MATN3: variants seen among roughly 807,000 people sequenced by gnomAD.
The protein encoded by MATN3 is matrilin 3, also known as matrilin-3.
Under a neutral mutation model 45.3 loss-of-function variants are expected in MATN3, and 48 were observed. The ratio of observed to expected loss-of-function variants is 1.06; its 90% CI spans 0.84 to 1.35. The LOEUF (loss-of-function observed/expected upper bound fraction) is 1.35. Ranked by LOEUF, MATN3 falls within the 40% of genes most tolerant of loss-of-function variation. The pLI, the probability that MATN3 is intolerant of heterozygous loss-of-function variation, is 0.00. For missense variants in MATN3, 599 were observed against 628.0 expected, an observed-to-expected ratio of 0.95 and a Z score of 0.49; for synonymous variants, 217 against 245.9, an observed-to-expected ratio of 0.88 and a Z score of 1.10.
intron 7 of MATN3, 132 bp from the exon 8 acceptor site, chr2:19,993,298 A>G (rs1056530504): frequency 2.7e-6 from 2 of 754,122 alleles, no homozygotes; most frequent in African/African-American, 3.6e-5. Context: ...CTGTTTTCTC[A>G]CCAAAAGTTG....
intron 3 of MATN3, among the ~76,000 whole-genome samples, chr2:20,002,559 C>T (rs1673006599): frequency 1.3e-5 from 2 of 152,064 alleles, no homozygotes. Context: ...TTTTCAAATC[C>T]TCAAAAGGGC....
chr2:20,003,786 TG>T (rs1226031362), intron 2 of MATN3, among the ~76,000 whole-genome samples: 1 of 152,198 alleles, frequency 6.6e-6, no homozygotes, highest in Non-Finnish European at 1.5e-5. Flanking sequence ...AACTCACAGG[TG>T]GGCAGTGGTA....
chr2:19,998,999 A>G (rs1158274850), intron 5 of MATN3, among the ~76,000 whole-genome samples: 1 of 152,274 alleles, frequency 6.6e-6, no homozygotes, highest in South Asian at 2.1e-4. Context: ...GTGAGTATTA[A>G]GGTACATTAC....
At chr2:20,009,394 C>T (rs1673173772) in intron 1 of MATN3, among the ~76,000 whole-genome samples, 1 of 152,002 alleles carries the variant, frequency 6.6e-6, no homozygotes, top group Non-Finnish European at 1.5e-5. Flanking sequence ...AAACCAGACA[C>T]CACATGTTCT....
chr2:20,001,537 T>C (rs1192848294), intron 4 of MATN3, among the ~76,000 whole-genome samples: 1 of 152,242 alleles, frequency 6.6e-6, no homozygotes, highest in Admixed American at 6.5e-5. Flanking sequence ...GAGCACAGCA[T>C]GTCAGGTCAT....
Position 20,005,811 on chromosome 2 carries a change from A to T in MATN3, c.723T>A (p.His241Gln). 6.2e-7 allele frequency: 1 copy of T among 1,611,166 alleles called. No individual in the cohort carries two copies. The highest frequency in any genetic ancestry group is 1.1e-5 in the South Asian group (1 of 90,278). Residue 241 changes from histidine to glutamine, a missense_variant, in exon 2 of 8, where the codon CAT (histidine) becomes CAA (glutamine). Transcript: ENST00000407540. ...KMMASEPLEE[H>Q]VFYVETYGVI... is the part of the protein sequence containing the mutation. Reference sequence around the variant, plus strand: ...CCCCATAGGTCTCCACGTAGAAAACATGCTCCTCTAGGGGCTCACTGGCCA... The same window carrying T: ...CCCCATAGGTCTCCACGTAGAAAACTTGCTCCTCTAGGGGCTCACTGGCCA...
chr2:19,999,656 G>C (rs967885091), intron 5 of MATN3, among the ~76,000 whole-genome samples: 2 of 150,096 alleles, frequency 1.3e-5, no homozygotes, highest in African/African-American at 4.9e-5. Context: ...AAAAAGAGGG[G>C]ACTGGGTGAC....
Position 20,006,172 on chromosome 2 carries a change from C to T in MATN3, c.362G>A (p.Arg121Gln), listed in dbSNP as rs1324272671. The T allele has an allele frequency of 1.5e-5, 24 of 1,613,830 alleles. No homozygotes were observed. Among genetic ancestry groups the T allele is most frequent in the East Asian group, 2.2e-5 (1 of 44,892 alleles). The change falls in exon 2 of 8, where the codon CGG (arginine) becomes CAG (glutamine). Residue 121 changes from arginine to glutamine, a missense_variant. By Grantham distance (43) the Arg-to-Gln change is conservative. Coordinates refer to ENST00000407540, the MANE Select transcript of MATN3 (RefSeq NM_002381.5). Reference sequence around the variant, plus strand: ...GCTAGCATAGTTCACCACTGCCACCCGCGTGTCGGCTGGCCCAATGTCCAG... The same window carrying T: ...GCTAGCATAGTTCACCACTGCCACCTGCGTGTCGGCTGGCCCAATGTCCAG... ...DTLDIGPADT[R>Q]VAVVNYASTV...
At chr2:20,006,468 A>G (rs1673109918) in intron 1 of MATN3, among the ~76,000 whole-genome samples, 158 bp from the exon 2 acceptor site, 1 of 152,154 alleles carries the variant, frequency 6.6e-6, no homozygotes, top group African/African-American at 2.4e-5. Context: ...GGGTGTTGAA[A>G]GCACCAAGGA....
chr2:20,001,874 G>A (rs931852619), intron 4 of MATN3, 81 bp downstream of exon 4: 122 of 1,381,024 alleles, frequency 8.8e-5, no homozygotes, highest in Non-Finnish European at 1.2e-4. Flanking sequence ...CAACTTCCCA[G>A]TCAATGTGAC....
chr2:20,012,065 C>A lies in MATN3; in HGVS notation c.223+344G>T, dbSNP rs1433149165. On this transcript the variant is annotated intron_variant, in intron 1 of 7. Coordinates refer to ENST00000407540, the MANE Select transcript of MATN3 (RefSeq NM_002381.5). The surrounding 1 kb of genome is among the most constrained non-coding windows in gnomAD (Gnocchi z 4.3). ...TCCAAGAGAACTAACAGCAGAGTCT[C>A]AGGAAGGGTTTGCTCACTGAATGGA... is the stretch of plus-strand genomic sequence containing the variant. 6.6e-6 allele frequency among the ~76,000 whole-genome samples: 1 copy of A among 152,184 alleles called. No homozygotes were observed. The highest frequency in any genetic ancestry group is 2.4e-5 in the African/African-American group (1 of 41,450).
At chr2:19,994,460 G>T in intron 6 of MATN3, 51 bp from the exon 7 acceptor site, 2 of 1,021,722 alleles carry the variant, frequency 2.0e-6, no homozygotes, top group South Asian at 1.5e-5. Context: ...AGCTATATAG[G>T]AATCATAACA....
intron 7 of MATN3, among the ~76,000 whole-genome samples, 182 bp downstream of exon 7, chr2:19,994,117 T>G (rs1050517779): frequency 6.6e-6 from 1 of 152,170 alleles, no homozygotes; most frequent in Admixed American, 6.5e-5. Flanking sequence ...ATTGAATGGG[T>G]GAAACAGTCT....
Position 20,006,156 on chromosome 2 carries a change from G to T in MATN3, c.378C>A (p.Asn126Lys). ...GPADTRVAVV[N>K]YASTVKIEFQ... ...ACTCGATCTTCACAGTGCTAGCATA[G>T]TTCACCACTGCCACCCGCGTGTCGG... Residue 126 changes from asparagine (N) to lysine (K), a missense_variant, in exon 2 of 8, where the codon AAC becomes AAA. Physicochemically the swap from Asn to Lys is moderately conservative, Grantham distance 94. Coordinates refer to ENST00000407540, the MANE Select transcript of MATN3 (RefSeq NM_002381.5). The T allele has an allele frequency of 6.2e-7, 1 of 1,614,028 alleles. No homozygotes were observed. Among genetic ancestry groups the T allele is most frequent in the South Asian group, 1.1e-5 (1 of 91,080 alleles).
intron 5 of MATN3, among the ~76,000 whole-genome samples, chr2:20,000,142 TTGC>T (rs1672956385): frequency 6.6e-6 from 1 of 152,226 alleles, no homozygotes; most frequent in Non-Finnish European, 1.5e-5. Flanking sequence ...AGTTTTCTCT[TTGC>T]TTAAAAGTCT....
In MATN3 at chr2:19,994,297, A is replaced by G. The variant is rs764727429; in HGVS notation, c.1405+2T>C. On this transcript the variant is annotated splice_donor_variant, in intron 7 of 7. Transcript: ENST00000407540. LOFTEE classifies it high-confidence loss of function. ...AAGGAGAAAACCTTCCAGAAAGGAT[A>G]TGTTTAGTGTTCAGTCTTTGAAGAT... 1.1e-4 allele frequency: 172 copies of G among 1,601,780 alleles called. No homozygotes were observed. Among genetic ancestry groups the G allele is most frequent in the Non-Finnish European group, 1.3e-4 (150 of 1,169,780 alleles).
At chr2:19,999,756 C>G (rs1672949632) in intron 5 of MATN3, among the ~76,000 whole-genome samples, 1 of 152,018 alleles carries the variant, frequency 6.6e-6, no homozygotes, top group African/African-American at 2.4e-5. Flanking sequence ...ATTCAATATG[C>G]CAAAGCTAAA....
At chr2:20,008,404 G>C (rs1367497041) in intron 1 of MATN3, among the ~76,000 whole-genome samples, 1 of 152,056 alleles carries the variant, frequency 6.6e-6, no homozygotes, top group Non-Finnish European at 1.5e-5. Flanking sequence ...TGCTACTCTA[G>C]GAAGGTAATA....
chr2:19,997,109 A>G, intron 6 of MATN3, 25 bp downstream of exon 6: 1 of 1,609,636 alleles, frequency 6.2e-7, no homozygotes. Flanking sequence ...ACCAAAGGAA[A>G]TAGCCTTAAA....
Sources: gnomAD v4.1 joint callset for allele counts (sites outside exome capture counted in the v4.1 genomes callset) on GRCh38, gnomAD v4.1.1 for gene constraint, Gnocchi (gnomAD v3.1) non-coding constraint, MANE v1.5 for transcripts, NCBI Gene and HGNC (gene_info 2026-07-23, HGNC 2026-07-21) for gene names.